Variants in KLF12 observed in about 807,000 individuals in gnomAD.
The protein encoded by KLF12 is Krueppel-like factor 12.
KLF12 carries 9 observed loss-of-function variants against 37.8 expected under a neutral mutation model. The ratio of observed to expected loss-of-function variants is 0.24; its 90% CI spans 0.14 to 0.42. KLF12 has a LOEUF of 0.42. Ranked by LOEUF, KLF12 falls within the 10% of genes least tolerant of loss-of-function variation. KLF12 has a pLI of 1.00. For missense variants in KLF12, 411 were observed against 516.0 expected (o/e 0.80, Z 1.97); for synonymous variants, 208 against 202.1 (o/e 1.03, Z -0.25).
At chr13:73,992,914 T>C (rs985166164) in intron 2 of KLF12, among the ~76,000 whole-genome samples, 2 of 152,078 alleles carry the variant, frequency 1.3e-5, no homozygotes, top group Non-Finnish European at 2.9e-5. Context: ...ATGGATAAAA[T>C]GTATGAAAAA....
Position 74,000,162 on chromosome 13 carries a change from C to T in KLF12, c.-31-5109G>A, listed in dbSNP as rs116216180. ...AGAAATGTCACTCCTATTTCTACCC[C>T]CCTACATTTATAATCAAGTGCCCAA... On this transcript the variant is annotated intron_variant, in intron 1 of 7. Transcript: ENST00000377669. 2.8e-3 allele frequency among the ~76,000 whole-genome samples: 425 copies of T among 152,202 alleles called. 4 individuals carry two copies. The highest frequency in any genetic ancestry group is 9.4e-3 in the African/African-American group (391 of 41,512).
chr13:74,090,145 T>C lies in KLF12; in HGVS notation c.-32+43594A>G, dbSNP rs145161664. 2.5e-3 allele frequency among the ~76,000 whole-genome samples: 385 copies of C among 152,166 alleles called. 1 individual carries two copies. The highest frequency in any genetic ancestry group is 4.9e-3 in the Non-Finnish European group (330 of 67,970). The stretch of plus-strand genomic sequence containing the variant: ...AATCAATACACCTTTTATATACTTG[T>C]ATTGAACGATCCAAAAACAAAATTA... On this transcript the variant is annotated intron_variant, in intron 1 of 7. Transcript: ENST00000377669.
chr13:73,847,177 A>C (rs1000051580), intron 3 of KLF12, among the ~76,000 whole-genome samples: 1 of 152,160 alleles, frequency 6.6e-6, no homozygotes, highest in Admixed American at 6.5e-5. Context: ...TAAATTCAAC[A>C]AACATTTATG....
chr13:73,964,995 C>G (rs1047146978), intron 2 of KLF12, among the ~76,000 whole-genome samples: 3 of 152,156 alleles, frequency 2.0e-5, no homozygotes, highest in African/African-American at 7.2e-5. Flanking sequence ...AAAAAGGTAG[C>G]AGCTCCATTG....
chr13:74,198,952 AG>A, the KLF12 span, among the ~76,000 whole-genome samples: 1 of 152,174 alleles, frequency 6.6e-6, no homozygotes, highest in Non-Finnish European at 1.5e-5. Context: ...CCGCTGCTAA[AG>A]GGCAGGTGGC....
At chr13:74,221,921 C>T in the KLF12 span, among the ~76,000 whole-genome samples, 1 of 152,246 alleles carries the variant, frequency 6.6e-6, no homozygotes, top group Non-Finnish European at 1.5e-5. Flanking sequence ...ATGGTGCAGC[C>T]CTCTAGTTCA....
At chr13:73,902,887 A>T (rs1888101035) in intron 3 of KLF12, among the ~76,000 whole-genome samples, 1 of 152,232 alleles carries the variant, frequency 6.6e-6, no homozygotes, top group Non-Finnish European at 1.5e-5. Context: ...ACCTAAAAAA[A>T]ATTCTGTCCA....
At chr13:73,696,609 C>A (rs1299113861) in intron 7 of KLF12, among the ~76,000 whole-genome samples, 2 of 152,152 alleles carry the variant, frequency 1.3e-5, no homozygotes, top group African/African-American at 4.8e-5. Flanking sequence ...CAACAATCTA[C>A]AATGTGCTCC....
chr13:73,739,499 G>A (rs1186079706), intron 6 of KLF12, among the ~76,000 whole-genome samples: 1 of 152,094 alleles, frequency 6.6e-6, no homozygotes, highest in African/African-American at 2.4e-5. Flanking sequence ...TATAGCTCAT[G>A]TAAGATGTAG....
At chr13:73,829,711 T>C (rs1271917381) in intron 4 of KLF12, among the ~76,000 whole-genome samples, 3 of 152,176 alleles carry the variant, frequency 2.0e-5, no homozygotes, top group African/African-American at 4.8e-5. Context: ...ACTGACTGAA[T>C]AGTAATAATA....
the KLF12 span, among the ~76,000 whole-genome samples, chr13:74,214,158 C>T: frequency 5.0e-3 from 758 of 152,194 alleles, 6 homozygotes; most frequent in Non-Finnish European, 6.5e-3. Flanking sequence ...AATATTATAT[C>T]AAACTTTCCA....
At chr13:74,119,315 C>T (rs575258172) in intron 1 of KLF12, among the ~76,000 whole-genome samples, 89 of 146,340 alleles carry the variant, frequency 6.1e-4, no homozygotes, top group African/African-American at 2.1e-3. Flanking sequence ...CTGGGTGACA[C>T]AGCGAGACTC....
intron 3 of KLF12, among the ~76,000 whole-genome samples, chr13:73,872,705 G>A (rs547008967): frequency 5.9e-5 from 9 of 152,238 alleles, no homozygotes; most frequent in African/African-American, 1.7e-4. Flanking sequence ...CTAACTGATC[G>A]GTCCTTGCTC....
intron 5 of KLF12, among the ~76,000 whole-genome samples, chr13:73,781,676 CAAAAA>C (rs1387825693): frequency 6.6e-6 from 1 of 151,744 alleles, no homozygotes; most frequent in Non-Finnish European, 1.5e-5. Flanking sequence ...TTTGCTTTGG[CAAAAA>C]AGAAAGCAAG....
At chr13:73,721,352 T>G (rs569754602) in intron 6 of KLF12, among the ~76,000 whole-genome samples, 1 of 152,322 alleles carries the variant, frequency 6.6e-6, no homozygotes, top group South Asian at 2.1e-4. Context: ...AAAATATCTA[T>G]AGCATTTAAA....
At chr13:74,253,821 T>A in the KLF12 span, among the ~76,000 whole-genome samples, 1 of 152,192 alleles carries the variant, frequency 6.6e-6, no homozygotes, top group Non-Finnish European at 1.5e-5. Flanking sequence ...CCAGCCTATA[T>A]AAATTATGAA....
At chr13:73,788,206 T>C (rs904135118) in intron 5 of KLF12, among the ~76,000 whole-genome samples, 3 of 152,204 alleles carry the variant, frequency 2.0e-5, no homozygotes, top group African/African-American at 7.2e-5. Flanking sequence ...AAAATTATCA[T>C]TATGGAAAAT....
At chr13:73,727,482 C>T (rs935448888) in intron 6 of KLF12, among the ~76,000 whole-genome samples, 8 of 152,140 alleles carry the variant, frequency 5.3e-5, no homozygotes, top group Non-Finnish European at 7.3e-5. Flanking sequence ...TGTCTTGACA[C>T]CACTGACAAA....
rs1873742198 is a variant in KLF12, at chr13:73,690,273, A to G, written c.*5217T>C. ...ATTTAATTTATTTCTGAAAATGGGC[A>G]TTAGCTTATTCCTATTGCGAGTATA... is the stretch of plus-strand genomic sequence containing the variant. On this transcript the variant is annotated 3_prime_UTR_variant, in exon 8 of 8. Transcript: ENST00000377669. 1 of 152,630 alleles carries G rather than the reference A, an allele frequency of 6.6e-6. No individual in the cohort carries two copies. Among genetic ancestry groups the G allele is most frequent in the African/African-American group, 2.4e-5 (1 of 41,462 alleles). 9.5% of individuals were successfully genotyped at this position (152,630 alleles called of 1,614,324 possible).
Sources: allele counts gnomAD v4.1 joint callset (sites outside exome capture counted in the v4.1 genomes callset), GRCh38; gene constraint gnomAD v4.1.1; transcripts MANE v1.5; gene names NCBI Gene and HGNC (gene_info 2026-07-23, HGNC 2026-07-21).